The following FAAH2 variants were observed in gnomAD, a reference collection of about 807,000 sequenced individuals.
FAAH2 encodes fatty-acid amide hydrolase 2.
Under a neutral mutation model 36.9 loss-of-function variants are expected in FAAH2, and 60 were observed. The observed-to-expected ratio is 1.63, with a 90% CI of 1.32 to 2.02. The LOEUF (loss-of-function observed/expected upper bound fraction) is 2.02, where lower values mean the gene tolerates loss of function less well. FAAH2 is among the 30% of genes most tolerant of loss of function. The pLI, the probability that FAAH2 is intolerant of heterozygous loss-of-function variation, is 0.00. For missense variants in FAAH2, 689 were observed against 397.5 expected, an observed-to-expected ratio of 1.73 and a Z score of -6.23; for synonymous variants, 214 against 143.8, an observed-to-expected ratio of 1.49 and a Z score of -3.49.
intron 7 of FAAH2, among the ~76,000 whole-genome samples, chrX:57,383,699 C>T (rs1397019767): frequency 8.9e-6 from 1 of 111,875 alleles, no homozygotes; most frequent in Non-Finnish European, 1.9e-5. Context: ...GAAGAACATT[C>T]CATGCTCATG....
chrX:57,426,036 A>C (rs1392477754), intron 7 of FAAH2, among the ~76,000 whole-genome samples: 1 of 112,199 alleles, frequency 8.9e-6, no homozygotes, highest in Non-Finnish European at 1.9e-5. Flanking sequence ...AAAGTAAGCA[A>C]GAGTATCATG....
rs187132249 is a variant in FAAH2, at chrX:57,441,225, T to C, written c.1117-5703T>C. ...CTCTGGTAGAATTCGGCTATGAATC[T>C]GTCTGGTTCTGGATTTTTTTTGTTG... On this transcript the variant is annotated intron_variant, in intron 8 of 10. Transcript: ENST00000374900. Among the ~76,000 whole-genome samples, 210 of 111,563 alleles carry C rather than the reference T, an allele frequency of 1.9e-3. 4 individuals carry two copies. The East Asian group carries it at 0.035, about 19-fold the overall frequency.
intron 2 of FAAH2, among the ~76,000 whole-genome samples, chrX:57,298,646 A>G (rs2052225573): frequency 2.8e-5 from 1 of 35,762 alleles, no homozygotes; most frequent in Non-Finnish European, 5.1e-5. Context: ...AAACCCTTCA[A>G]AAAAATCAAT....
At chrX:57,447,796 G>C (rs1296569949) in intron 9 of FAAH2, among the ~76,000 whole-genome samples, 1 of 111,566 alleles carries the variant, frequency 9.0e-6, no homozygotes, top group African/African-American at 3.3e-5. Context: ...TTTCCTCTTA[G>C]GCCTCTGAAC....
intron 3 of FAAH2, among the ~76,000 whole-genome samples, chrX:57,322,148 A>T (rs778336356): frequency 9.0e-6 from 1 of 110,764 alleles, no homozygotes; most frequent in Non-Finnish European, 1.9e-5. Context: ...GACTACAGGC[A>T]TCCGCCACCG....
chrX:57,383,991 A>T (rs2054934649), intron 7 of FAAH2, among the ~76,000 whole-genome samples: 1 of 111,800 alleles, frequency 8.9e-6, no homozygotes, highest in South Asian at 3.8e-4. Flanking sequence ...GCCCAATGGA[A>T]CAGAACAGAG....
chrX:57,327,471 G>T (rs952474120), intron 3 of FAAH2, among the ~76,000 whole-genome samples: 4 of 109,309 alleles, frequency 3.7e-5, no homozygotes, highest in African/African-American at 1.0e-4. Context: ...TGACTTTCAG[G>T]TACACCAATC....
At chrX:57,202,399 C>T in the FAAH2 span, among the ~76,000 whole-genome samples, 10 of 111,818 alleles carry the variant, frequency 8.9e-5, no homozygotes, top group South Asian at 3.4e-3. Flanking sequence ...AGAGGTAATA[C>T]CTTGATAGTC....
the FAAH2 span, among the ~76,000 whole-genome samples, chrX:57,197,846 G>T: frequency 6.2e-5 from 7 of 112,122 alleles, no homozygotes; most frequent in Non-Finnish European, 1.1e-4. Context: ...TGGTTTCCTT[G>T]GATGCTGGTT....
chrX:57,420,516 CTGTT>C (rs1323507192), intron 7 of FAAH2, among the ~76,000 whole-genome samples: 1 of 111,174 alleles, frequency 9.0e-6, no homozygotes, highest in Non-Finnish European at 1.9e-5. Flanking sequence ...ATTTGGCTCT[CTGTT>C]TGTCTGTTAT....
In FAAH2 at chrX:57,335,296, C is replaced by T. The variant is rs937173647; in HGVS notation, c.622+3489C>T. On this transcript the variant is annotated intron_variant, in intron 4 of 10. Transcript: ENST00000374900. ...AATAAGAAAAATGGGCCCAGGGGACCGGCGTTCAGCATAAGGAGGACCCGT... is the reference window on the plus strand; with the variant it reads ...AATAAGAAAAATGGGCCCAGGGGACTGGCGTTCAGCATAAGGAGGACCCGT... Among the ~76,000 whole-genome samples the T allele has an allele frequency of 7.2e-5, 8 of 110,706 alleles. No homozygotes were observed. In the East Asian group the frequency reaches 8.5e-4, roughly 12 times the overall value.
chrX:57,360,627 C>A lies in FAAH2; in HGVS notation c.743-18024C>A, dbSNP rs191416282. Among the ~76,000 whole-genome samples, 16 of 111,204 alleles carry A rather than the reference C, an allele frequency of 1.4e-4. No homozygotes were observed. In the East Asian group the frequency reaches 4.5e-3, roughly 31 times the overall value. Reference sequence around the variant, plus strand: ...ATTTTGAATTCTTTATCAGATAATTCATAAACCCTTTTTAAAAATTGTTTT... The same window carrying A: ...ATTTTGAATTCTTTATCAGATAATTAATAAACCCTTTTTAAAAATTGTTTT... On this transcript the variant is annotated intron_variant, in intron 5 of 10. Coordinates refer to ENST00000374900, the MANE Select transcript of FAAH2 (RefSeq NM_174912.4).
At chrX:57,453,505 C>T (rs2056819125) in intron 10 of FAAH2, among the ~76,000 whole-genome samples, 1 of 111,052 alleles carries the variant, frequency 9.0e-6, no homozygotes, top group Admixed American at 9.5e-5. Flanking sequence ...ATTCCACAAC[C>T]CCCACCACCA....
the FAAH2 span, among the ~76,000 whole-genome samples, chrX:57,242,779 C>T: frequency 5.3e-5 from 6 of 112,272 alleles, no homozygotes; most frequent in Non-Finnish European, 1.1e-4. Context: ...CAGGAGATTC[C>T]CTCGGTGCCT....
intron 10 of FAAH2, among the ~76,000 whole-genome samples, chrX:57,468,684 A>G (rs1366060221): frequency 1.8e-5 from 2 of 112,038 alleles, no homozygotes; most frequent in African/African-American, 6.5e-5. Context: ...ACAGGATATT[A>G]TCCAGGAGAA....
upstream of FAAH2, among the ~76,000 whole-genome samples, chrX:57,284,683 T>G (rs72621727): frequency 1.3e-4 from 14 of 111,745 alleles, no homozygotes; most frequent in East Asian, 3.6e-3. Flanking sequence ...GTTCTGGTGA[T>G]ATGTTGCCAA....
chrX:57,303,947 C>T (rs1173691992), intron 2 of FAAH2, among the ~76,000 whole-genome samples: 2 of 111,937 alleles, frequency 1.8e-5, no homozygotes, highest in African/African-American at 3.2e-5. Context: ...TGGCTCACAC[C>T]TGTAATCCCA....
intron 10 of FAAH2, among the ~76,000 whole-genome samples, chrX:57,470,977 A>C (rs2147247894): frequency 8.9e-6 from 1 of 112,266 alleles, no homozygotes; most frequent in Non-Finnish European, 1.9e-5. Context: ...GCATCTAAAC[A>C]GAACCAAAGA....
At chrX:57,322,330 G>T (rs755540099) in intron 3 of FAAH2, among the ~76,000 whole-genome samples, 11 of 111,718 alleles carry the variant, frequency 9.8e-5, no homozygotes, top group Non-Finnish European at 1.9e-4. Flanking sequence ...GTAGGTCCCC[G>T]ATCTCTTCTT....
Sources: allele counts gnomAD v4.1 joint callset (sites outside exome capture counted in the v4.1 genomes callset), GRCh38; gene constraint gnomAD v4.1.1; transcripts MANE v1.5; gene names NCBI Gene and HGNC (gene_info 2026-07-23, HGNC 2026-07-21).